The following GPR39 variants were observed in gnomAD, a reference collection of about 807,000 sequenced individuals.
The protein encoded by GPR39 is G protein-coupled receptor 39.
A neutral mutation model predicts 18.4 loss-of-function variants in GPR39; 23 were observed. That is an observed-to-expected ratio of 1.25 (90% CI 0.90 to 1.77). The LOEUF is 1.77. GPR39 is among the 40% of genes most tolerant of loss of function. GPR39 has a pLI of 0.00. For missense variants in GPR39, 647 were observed against 602.4 expected (o/e 1.07, Z -0.78); for synonymous variants, 280 against 257.9 (o/e 1.09, Z -0.82).
At chr2:132,453,855 T>A (rs1426431326) in intron 1 of GPR39, among the ~76,000 whole-genome samples, 2 of 152,264 alleles carry the variant, frequency 1.3e-5, no homozygotes, top group South Asian at 2.1e-4. Flanking sequence ...TGTTTTGGTA[T>A]CAGCACCATG....
intron 1 of GPR39, among the ~76,000 whole-genome samples, chr2:132,623,929 C>T (rs562924891): frequency 6.6e-6 from 1 of 152,198 alleles, no homozygotes; most frequent in Admixed American, 6.5e-5. Context: ...CTCCCTTGAC[C>T]ACCCCCTCAC....
intron 1 of GPR39, among the ~76,000 whole-genome samples, chr2:132,467,405 A>G (rs900431467): frequency 1.3e-5 from 2 of 152,172 alleles, no homozygotes; most frequent in African/African-American, 4.8e-5. Flanking sequence ...ACTGAGGACT[A>G]CTAGAGAGGG....
chr2:132,645,998 C>CGAGGGCTGGAAGAACAATGCA lies in GPR39; in HGVS notation c.*394_*414dup. ...ACTCAGGGAGGTGGGGGGTTGGGGG[C>CGAGGGCTGGAAGAACAATGCA]GAGGGCTGGAAGAACAATGCAGGAG... is the stretch of plus-strand genomic sequence containing the variant. On this transcript the variant is annotated 3_prime_UTR_variant, in exon 2 of 2. Transcript: ENST00000329321. 1 of 1,403,144 alleles carries CGAGGGCTGGAAGAACAATGCA rather than the reference C, an allele frequency of 7.1e-7. No individual in the cohort carries two copies. The highest frequency in any genetic ancestry group is 2.4e-5 in the East Asian group (1 of 40,986). 86.9% of individuals were successfully genotyped at this position (1,403,144 alleles called of 1,614,324 possible). A position where few individuals can be genotyped will look rare whatever the true frequency, so the allele number is the denominator to read the frequency against.
chr2:132,477,599 G>T (rs948226457), intron 1 of GPR39, among the ~76,000 whole-genome samples: 2 of 152,160 alleles, frequency 1.3e-5, no homozygotes, highest in East Asian at 3.9e-4. Context: ...CTCAATCAAA[G>T]AGCCAAATCC....
At chr2:132,636,513 G>T (rs934209004) in intron 1 of GPR39, among the ~76,000 whole-genome samples, 1 of 152,222 alleles carries the variant, frequency 6.6e-6, no homozygotes, top group Admixed American at 6.5e-5. Flanking sequence ...GCACTGGCTG[G>T]CTTCATCTGA....
rs73955641 is a variant in GPR39, at chr2:132,422,793, T to A, written c.856+4895T>A. On this transcript the variant is annotated intron_variant, in intron 1 of 1. Transcript: ENST00000329321. The stretch of plus-strand genomic sequence containing the variant: ...TAATAATGCTGCATTATTTTTATAA[T>A]CAGGCTGTCTCAAAGATTTCATTTC... Among the ~76,000 whole-genome samples, 513 of 152,104 alleles carry A rather than the reference T, an allele frequency of 3.4e-3. 12 individuals are homozygous for A. Among genetic ancestry groups the A allele is most frequent in the African/African-American group, 0.012 (495 of 41,406 alleles).
chr2:132,642,995 A>G (rs1211256262), intron 1 of GPR39, among the ~76,000 whole-genome samples: 2 of 152,230 alleles, frequency 1.3e-5, no homozygotes, highest in Admixed American at 1.3e-4. Context: ...GATGCAAACA[A>G]GGAGCAGGAA....
intron 1 of GPR39, among the ~76,000 whole-genome samples, chr2:132,474,378 G>A (rs1180502254): frequency 1.3e-5 from 2 of 152,172 alleles, no homozygotes; most frequent in Non-Finnish European, 2.9e-5. Context: ...GGGTGCACAA[G>A]CCCTGTTCTA....
chr2:132,568,822 A>C (rs776346150), intron 1 of GPR39, among the ~76,000 whole-genome samples: 1 of 152,062 alleles, frequency 6.6e-6, no homozygotes, highest in Non-Finnish European at 1.5e-5. Flanking sequence ...CATGCACAGC[A>C]CCTTCTGCTG....
intron 1 of GPR39, among the ~76,000 whole-genome samples, chr2:132,548,995 T>C (rs1679994723): frequency 6.6e-6 from 1 of 152,190 alleles, no homozygotes; most frequent in African/African-American, 2.4e-5. Context: ...TGTATGTGTA[T>C]ATGTATTCTT....
At chr2:132,609,927 T>C (rs1681211366) in intron 1 of GPR39, among the ~76,000 whole-genome samples, 1 of 152,038 alleles carries the variant, frequency 6.6e-6, no homozygotes, top group African/African-American at 2.4e-5. Flanking sequence ...CTTTGTAACT[T>C]AGCGCAAACC....
chr2:132,623,395 G>A (rs945798723), intron 1 of GPR39, among the ~76,000 whole-genome samples: 1 of 152,228 alleles, frequency 6.6e-6, no homozygotes, highest in Non-Finnish European at 1.5e-5. Context: ...AGGGGCGCCT[G>A]AAGGGAAGGA....
chr2:132,417,459 C>T lies in GPR39; in HGVS notation c.417C>T (p.His139=). 1 of 1,614,192 alleles carries T rather than the reference C, an allele frequency of 6.2e-7. No homozygotes were observed. Among genetic ancestry groups the T allele is most frequent in the South Asian group, 1.1e-5 (1 of 91,084 alleles). ...LSFERYIAIC[H]PFRYKAVSGP... ...TTGAGCGCTACATCGCCATCTGTCA[C>T]CCCTTCAGGTACAAGGCTGTGTCGG... Residue 139 remains histidine (H), a synonymous_variant, in exon 1 of 2, where the codon CAC becomes CAT. Transcript: ENST00000329321.
intron 1 of GPR39, among the ~76,000 whole-genome samples, chr2:132,449,804 A>G (rs1266416919): frequency 1.3e-5 from 2 of 152,082 alleles, no homozygotes; most frequent in Non-Finnish European, 1.5e-5. Context: ...CTCAGAATAT[A>G]AAGGAATCTT....
At chr2:132,427,073 C>T (rs1184045961) in intron 1 of GPR39, among the ~76,000 whole-genome samples, 2 of 125,748 alleles carry the variant, frequency 1.6e-5, no homozygotes, top group African/African-American at 5.9e-5. Context: ...TATATATGTA[C>T]CTATATATAT....
intron 1 of GPR39, among the ~76,000 whole-genome samples, chr2:132,485,131 G>A (rs1458270363): frequency 1.3e-5 from 2 of 152,196 alleles, no homozygotes; most frequent in Non-Finnish European, 2.9e-5. Context: ...AATTAAACAA[G>A]TCGCATAAAA....
At chr2:132,490,120 C>T (rs1174694186) in intron 1 of GPR39, among the ~76,000 whole-genome samples, 2 of 151,850 alleles carry the variant, frequency 1.3e-5, no homozygotes, top group African/African-American at 2.4e-5. Context: ...CAAAGGTCTT[C>T]CCTACTAGTT....
intron 1 of GPR39, among the ~76,000 whole-genome samples, chr2:132,474,242 A>G (rs1681084766): frequency 6.6e-6 from 1 of 152,216 alleles, no homozygotes; most frequent in Admixed American, 6.5e-5. Context: ...TTTTCTGCAT[A>G]TCTCTGCACT....
At chr2:132,430,659 C>T (rs556992594) in intron 1 of GPR39, among the ~76,000 whole-genome samples, 31 of 152,126 alleles carry the variant, frequency 2.0e-4, no homozygotes, top group Non-Finnish European at 4.4e-4. Flanking sequence ...CCTTGTTGGA[C>T]TGGCTAGGGC....
Sources: gnomAD v4.1 joint callset for allele counts (sites outside exome capture counted in the v4.1 genomes callset) on GRCh38, gnomAD v4.1.1 for gene constraint, MANE v1.5 for transcripts, NCBI Gene and HGNC (gene_info 2026-07-23, HGNC 2026-07-21) for gene names.